Variants in CRISPLD1 observed in about 807,000 individuals in gnomAD.
CRISPLD1 encodes the protein cysteine rich secretory protein LCCL domain containing 1, also known as cysteine-rich secretory protein LCCL domain-containing 1.
In CRISPLD1, 60 loss-of-function variants were observed where a neutral mutation model predicts 77.5. The ratio of observed to expected loss-of-function variants is 0.77; its 90% CI spans 0.63 to 0.96. The LOEUF (loss-of-function observed/expected upper bound fraction) is 0.96, where lower values mean the gene tolerates loss of function less well. CRISPLD1 is among the 40% of genes least tolerant of loss of function. The pLI is 0.00. For missense variants in CRISPLD1, 623 were observed against 615.8 expected (o/e 1.01, Z -0.12); for synonymous variants, 195 against 200.1 (o/e 0.97, Z 0.22).
intron 2 of CRISPLD1, among the ~76,000 whole-genome samples, chr8:75,006,471 T>C (rs1449276742): frequency 1.3e-5 from 2 of 152,104 alleles, no homozygotes; most frequent in African/African-American, 2.4e-5. Context: ...ATTTAAGACA[T>C]TTTTCTCAGC....
chr8:75,029,234 T>C, intron 13 of CRISPLD1, 153 bp from the exon 14 acceptor site: 1 of 778,462 alleles, frequency 1.3e-6, no homozygotes, highest in Non-Finnish European at 2.0e-6. Flanking sequence ...TTTCAAACAC[T>C]CTTTTATGCA....
At chr8:74,993,699 C>A (rs571698896) in intron 2 of CRISPLD1, among the ~76,000 whole-genome samples, 1 of 152,206 alleles carries the variant, frequency 6.6e-6, no homozygotes, top group Admixed American at 6.5e-5. Flanking sequence ...TTTAGAAAGA[C>A]AAGAGAAGAA....
Position 74,986,243 on chromosome 8 carries a change from A to G in CRISPLD1, c.256A>G (p.Met86Val). The G allele has an allele frequency of 6.2e-7, 1 of 1,613,656 alleles. No individual in the cohort carries two copies. The highest frequency in any genetic ancestry group is 8.5e-7 in the Non-Finnish European group (1 of 1,179,574). ...VYPTASNMEY[M>V]TWDVELERSA... Reference sequence around the variant, plus strand: ...TCCAACAGCCTCTAATATGGAGTATATGGTAAGGACATTTTTCAAGTGGTA... The same window carrying G: ...TCCAACAGCCTCTAATATGGAGTATGTGGTAAGGACATTTTTCAAGTGGTA... The change falls in exon 2 of 15, where the codon ATG (methionine) becomes GTG (valine). Residue 86 changes from methionine (M) to valine (V), a missense_variant and splice_region_variant. Met to Val is a conservative substitution (Grantham distance 21). Transcript: ENST00000262207.
chr8:75,022,257 A>G (rs1813148618), intron 12 of CRISPLD1, among the ~76,000 whole-genome samples: 1 of 152,088 alleles, frequency 6.6e-6, no homozygotes, highest in South Asian at 2.1e-4. Context: ...TATTTCAGTG[A>G]AACAAAATTG....
chr8:74,999,109 T>C (rs1185257089), intron 2 of CRISPLD1, among the ~76,000 whole-genome samples: 1 of 152,170 alleles, frequency 6.6e-6, no homozygotes, highest in Non-Finnish European at 1.5e-5. Context: ...ATTACTGGGT[T>C]ATTAAACTGG....
chr8:74,996,378 C>T (rs1201594454), intron 2 of CRISPLD1, among the ~76,000 whole-genome samples: 1 of 152,100 alleles, frequency 6.6e-6, no homozygotes, highest in Non-Finnish European at 1.5e-5. Flanking sequence ...ACTTATGTGA[C>T]ACACTGTTCT....
intron 6 of CRISPLD1, 104 bp downstream of exon 6, chr8:75,015,016 A>G: frequency 1.7e-6 from 1 of 588,948 alleles, no homozygotes; most frequent in Non-Finnish European, 2.9e-6. Context: ...TGATCACACG[A>G]AAAGTATCTA....
In CRISPLD1 at chr8:75,033,532, T is replaced by C. The variant is rs1813390969; in HGVS notation, c.*1290T>C. 1 of 151,722 alleles carries C rather than the reference T, an allele frequency of 6.6e-6. No individual in the cohort carries two copies. The highest frequency in any genetic ancestry group is 2.4e-5 in the African/African-American group (1 of 41,322). 9.4% of individuals were successfully genotyped at this position (151,722 alleles called of 1,614,324 possible). On this transcript the variant is annotated 3_prime_UTR_variant, in exon 15 of 15. Transcript: ENST00000262207. ...ATTTTGAATAAAGAGAGAGATGAAT[T>C]TATAAAGTAGGAAAAAAAGAATCTG...
intron 3 of CRISPLD1, 61 bp downstream of exon 3, chr8:75,012,612 T>G (rs1182399881): frequency 1.8e-5 from 21 of 1,137,020 alleles, no homozygotes; most frequent in Admixed American, 1.1e-4. Context: ...AAGTCCTTAT[T>G]AATTCATCAG....
At chr8:75,009,818 C>T (rs995717344) in intron 2 of CRISPLD1, among the ~76,000 whole-genome samples, 5 of 152,098 alleles carry the variant, frequency 3.3e-5, no homozygotes, top group Non-Finnish European at 5.9e-5. Context: ...CAACCAAATT[C>T]AGTGTTTCTT....
rs1812471706 is a variant in CRISPLD1, at chr8:74,984,836, CGG to C, written c.-146_-145del. On this transcript the variant is annotated 5_prime_UTR_variant, in exon 1 of 15. Coordinates refer to ENST00000262207, the MANE Select transcript of CRISPLD1 (RefSeq NM_031461.6). Reference sequence around the variant, plus strand: ...CTTCGCGAGCGGGGCTCTCCGTCTGCGGTCCCTTGTGAAGGCTCTGGGCGGCT... The same window carrying C: ...CTTCGCGAGCGGGGCTCTCCGTCTGCTCCCTTGTGAAGGCTCTGGGCGGCT... 4.6e-5 allele frequency: 7 copies of C among 152,278 alleles called. No individual in the cohort carries two copies. The highest frequency in any genetic ancestry group is 1.7e-4 in the African/African-American group (7 of 41,446). The allele number at this position is 152,278 out of a possible 1,614,324, so 9.4% of individuals were successfully genotyped here. A position where few individuals can be genotyped will look rare whatever the true frequency, so the allele number is the denominator to read the frequency against.
At chr8:75,030,750 G>T (rs1427830941) in intron 14 of CRISPLD1, among the ~76,000 whole-genome samples, 1 of 134,374 alleles carries the variant, frequency 7.4e-6, no homozygotes. Context: ...ATGAGTGTGT[G>T]TATATATGTG....
At position 75,033,446 on chromosome 8, in the gene CRISPLD1, C is replaced by G. The variant is rs1284950934; in HGVS notation, c.*1204C>G. 1.3e-5 allele frequency: 2 copies of G among 151,608 alleles called. No homozygotes were observed. The highest frequency in any genetic ancestry group is 1.5e-5 in the Non-Finnish European group (1 of 67,800). The allele number at this position is 151,608 out of a possible 1,614,324, so 9.4% of individuals were successfully genotyped here. ...AATACCAGATGTCTACAAAATCGACCTGATTATTTAGGTATTTGTATGTGA... is the reference window on the plus strand; with the variant it reads ...AATACCAGATGTCTACAAAATCGACGTGATTATTTAGGTATTTGTATGTGA... On this transcript the variant is annotated 3_prime_UTR_variant, in exon 15 of 15. Transcript: ENST00000262207.
Position 75,012,552 on chromosome 8 carries a change from G to A in CRISPLD1, c.377+1G>A. Reference sequence around the variant, plus strand: ...AGAATTTGGGAGCACACTGGGGAAGGTATCTTAAAGCACAACTTTTTCTTT... The same window carrying A: ...AGAATTTGGGAGCACACTGGGGAAGATATCTTAAAGCACAACTTTTTCTTT... On this transcript the variant is annotated splice_donor_variant, in intron 3 of 14. Transcript: ENST00000262207. LOFTEE classifies it high-confidence loss of function. The A allele has an allele frequency of 6.4e-7, 1 of 1,555,348 alleles. No individual in the cohort carries two copies. Among genetic ancestry groups the A allele is most frequent in the Non-Finnish European group, 8.9e-7 (1 of 1,126,824 alleles).
intron 2 of CRISPLD1, among the ~76,000 whole-genome samples, chr8:74,991,180 G>C (rs1464714299): frequency 6.6e-6 from 1 of 151,988 alleles, no homozygotes; most frequent in Admixed American, 6.6e-5. Context: ...TTTAATAATA[G>C]AGATGGAGTT....
In CRISPLD1 at chr8:75,019,492, A is replaced by T. The variant is rs966094363; in HGVS notation, c.1128-378A>T. On this transcript the variant is annotated intron_variant, in intron 10 of 14. Transcript: ENST00000262207. ...TATTATTTTGTAGTCTTTTCACAAC[A>T]TTGTCTTGTATTTCCTGTTGTGAAA... Among the ~76,000 whole-genome samples, 17 of 152,084 alleles carry T rather than the reference A, an allele frequency of 1.1e-4. 1 individual carries two copies. Among genetic ancestry groups the T allele is most frequent in the Non-Finnish European group, 5.9e-5 (4 of 67,986 alleles).
At chr8:75,002,884 C>G (rs997283426) in intron 2 of CRISPLD1, among the ~76,000 whole-genome samples, 3 of 152,158 alleles carry the variant, frequency 2.0e-5, no homozygotes, top group Non-Finnish European at 4.4e-5. Context: ...TCTTCTTTCT[C>G]AGAGTTCTAA....
At chr8:75,022,794 G>A (rs1170685416) in intron 12 of CRISPLD1, among the ~76,000 whole-genome samples, 1 of 151,896 alleles carries the variant, frequency 6.6e-6, no homozygotes, top group African/African-American at 2.4e-5. Context: ...AGCTCAAGAA[G>A]ACCTTGAAGA....
At chr8:74,998,598 G>A (rs1314488033) in intron 2 of CRISPLD1, among the ~76,000 whole-genome samples, 2 of 142,556 alleles carry the variant, frequency 1.4e-5, no homozygotes, top group Non-Finnish European at 3.0e-5. Context: ...TGAGGCAGGA[G>A]AATTGCTTGA....
Sources: gnomAD v4.1 joint callset for allele counts (sites outside exome capture counted in the v4.1 genomes callset) on GRCh38, gnomAD v4.1.1 for gene constraint, MANE v1.5 for transcripts, NCBI Gene and HGNC (gene_info 2026-07-23, HGNC 2026-07-21) for gene names.